The following SPATA31C1 variants were observed in gnomAD, a reference collection of about 807,000 sequenced individuals.
SPATA31C1 encodes SPATA31 subfamily C member 1, also known as spermatogenesis-associated protein 31C1.
intron 1 of SPATA31C1, among the ~76,000 whole-genome samples, chr9:87,916,277 C>G (rs889922429): frequency 2.8e-5 from 4 of 143,874 alleles, no homozygotes; most frequent in African/African-American, 7.6e-5. Flanking sequence ...GATCACATAT[C>G]TCAATGTAAA....
Position 87,920,914 on chromosome 9 carries a change from G to A in SPATA31C1, n.1304G>A, listed in dbSNP as rs144903965. Reference sequence around the variant, plus strand: ...CAGGCCCAGCCCCTGTCCCATCTGGGGCCTGAGTCCCAACCCTTTATTTCA... The same window carrying A: ...CAGGCCCAGCCCCTGTCCCATCTGGAGCCTGAGTCCCAACCCTTTATTTCA... On this transcript the variant is annotated non_coding_transcript_exon_variant, in exon 5 of 5. Transcript: ENST00000420021. 88 of 1,612,264 alleles carry A rather than the reference G, an allele frequency of 5.5e-5. No homozygotes were observed. The African/African-American group carries it at 6.4e-4, about 12-fold the overall frequency.
intron 1 of SPATA31C1, among the ~76,000 whole-genome samples, chr9:87,915,566 G>C (rs1216960653): frequency 2.1e-5 from 3 of 145,054 alleles, no homozygotes; most frequent in Non-Finnish European, 4.6e-5. Flanking sequence ...CTCCCAAAGT[G>C]CTGGGATTAC....
exon 5 of SPATA31C1, chr9:87,922,484 G>A: frequency 6.2e-7 from 1 of 1,610,590 alleles, no homozygotes; most frequent in Non-Finnish European, 8.5e-7. Context: ...GTCTCATGGA[G>A]GAGGCTGTTA....
At chr9:87,922,300 C>T (rs1828895755) in exon 5 of SPATA31C1, 3 of 1,612,050 alleles carry the variant, frequency 1.9e-6, no homozygotes, top group South Asian at 2.2e-5. Context: ...GCCCAATCTT[C>T]AAGGGCTGGA....
chr9:87,921,889 C>G (rs200780394), exon 5 of SPATA31C1: 6 of 1,611,920 alleles, frequency 3.7e-6, no homozygotes, highest in Non-Finnish European at 5.1e-6. Flanking sequence ...AGGTTTTGGG[C>G]CAAACACAGG....
exon 5 of SPATA31C1, chr9:87,920,762 A>C (rs1828834865): frequency 1.2e-6 from 2 of 1,613,798 alleles, no homozygotes; most frequent in Non-Finnish European, 1.7e-6. Context: ...TTGGCGGCTC[A>C]AACAGTCAAG....
At position 87,920,334 on chromosome 9, in the gene SPATA31C1, C is replaced by G. The variant is rs1434091522; in HGVS notation, n.724C>G. On this transcript the variant is annotated non_coding_transcript_exon_variant, in exon 5 of 5. Transcript: ENST00000420021. ...GCCAGGTGAGGTGGGCAAAAGAACACCTGATGGAGCCTCCCGGTCCTCTCA... is the reference window on the plus strand; with the variant it reads ...GCCAGGTGAGGTGGGCAAAAGAACAGCTGATGGAGCCTCCCGGTCCTCTCA... 1.9e-6 allele frequency: 3 copies of G among 1,613,850 alleles called. No homozygotes were observed. The African/African-American group carries it at 4.0e-5, about 22-fold the overall frequency.
At chr9:87,921,131 G>C in exon 5 of SPATA31C1, 2 of 1,611,764 alleles carry the variant, frequency 1.2e-6, no homozygotes, top group African/African-American at 1.3e-5. Context: ...GGCCTTTGTT[G>C]AGGAAACAAC....
rs770478693 is a variant in SPATA31C1 at position 87,921,165 on chromosome 9, T to C, written n.1555T>C. On this transcript the variant is annotated non_coding_transcript_exon_variant, in exon 5 of 5. Transcript: ENST00000420021. ...ACTAGAAGGTGGGTTGGCTTTACCCTCTAGGGTCCAAAAATCTCAGGACGT... is the reference window on the plus strand; with the variant it reads ...ACTAGAAGGTGGGTTGGCTTTACCCCCTAGGGTCCAAAAATCTCAGGACGT... 2.5e-5 allele frequency: 41 copies of C among 1,611,736 alleles called. No individual in the cohort carries two copies. In the African/African-American group the frequency reaches 4.7e-4, roughly 18 times the overall value.
In SPATA31C1 at chr9:87,920,445, A is replaced by C. The variant is rs750557255; in HGVS notation, n.835A>C. 7.6e-5 allele frequency: 123 copies of C among 1,613,410 alleles called. No individual in the cohort carries two copies. In the South Asian group the frequency reaches 1.1e-3, roughly 14 times the overall value. On this transcript the variant is annotated non_coding_transcript_exon_variant, in exon 5 of 5. Coordinates refer to ENST00000420021, the Ensembl canonical transcript of SPATA31C1. ...CAAGCATCCTCAGGATCTGGCCTCC[A>C]CCCCACCACCAGGCCCAATGACCAC... is the stretch of plus-strand genomic sequence containing the variant.
chr9:87,921,622 GCA>G (rs774813139), exon 5 of SPATA31C1: 2 of 1,612,022 alleles, frequency 1.2e-6, no homozygotes, highest in Non-Finnish European at 8.5e-7. Flanking sequence ...TTATTAAGAC[GCA>G]CAGAGAGGAA....
chr9:87,919,499 G>A (rs1258673210), intron 3 of SPATA31C1, among the ~76,000 whole-genome samples, 151 bp downstream of exon 2: 1 of 113,478 alleles, frequency 8.8e-6, no homozygotes, highest in Non-Finnish European at 1.8e-5. Context: ...TGTGCCGCCG[G>A]AATGAAGCCA....
exon 5 of SPATA31C1, chr9:87,922,534 A>G: frequency 6.2e-7 from 1 of 1,610,864 alleles, no homozygotes; most frequent in Non-Finnish European, 8.5e-7. Flanking sequence ...TCAGAGACCC[A>G]GCCTCAAGTT....
intron 4 of SPATA31C1, 43 bp from the exon 4 acceptor site, chr9:87,920,209 C>T (rs1828814239): frequency 1.2e-6 from 2 of 1,610,912 alleles, no homozygotes; most frequent in Admixed American, 1.7e-5. Context: ...CCTCCGAACC[C>T]ATCTGGCTCC....
intron 3 of SPATA31C1, 129 bp downstream of exon 2, chr9:87,919,477 C>A: frequency 1.4e-6 from 2 of 1,382,826 alleles, no homozygotes; most frequent in Non-Finnish European, 9.8e-7. Context: ...ACCCTGGGTC[C>A]TTCTCAGATT....
exon 5 of SPATA31C1, chr9:87,921,673 A>C (rs770578617): frequency 2.5e-6 from 4 of 1,612,050 alleles, no homozygotes; most frequent in Non-Finnish European, 3.4e-6. Flanking sequence ...ATGGGCAGAA[A>C]GTTGGGCCAG....
In SPATA31C1 at chr9:87,921,858, G is replaced by A. The variant is rs767685779; in HGVS notation, n.2248G>A. ...CTTCCTTGAGCTGTGTACTCAGCAG[G>A]TGCTGGAAGCCCATATTGTGAGGTT... On this transcript the variant is annotated non_coding_transcript_exon_variant, in exon 5 of 5. Transcript: ENST00000420021. 3.7e-6 allele frequency: 6 copies of A among 1,612,042 alleles called. No individual in the cohort carries two copies. In the South Asian group the frequency reaches 5.5e-5, roughly 15 times the overall value.
chr9:87,921,295 T>C (rs773602678), exon 5 of SPATA31C1: 2 of 1,611,988 alleles, frequency 1.2e-6, no homozygotes, highest in Non-Finnish European at 1.7e-6. Flanking sequence ...GAGCAATACA[T>C]GGGGCAACGT....
chr9:87,921,156 G>C, exon 5 of SPATA31C1: 1 of 1,611,834 alleles, frequency 6.2e-7, no homozygotes, highest in Non-Finnish European at 8.5e-7. Context: ...AGGTGGGTTG[G>C]CTTTACCCTC....
Sources: gnomAD v4.1 joint callset for allele counts (sites outside exome capture counted in the v4.1 genomes callset) on GRCh38, gnomAD v4.1.1 for gene constraint, MANE v1.5 for transcripts, NCBI Gene and HGNC (gene_info 2026-07-23, HGNC 2026-07-21) for gene names.